Variants in CCNI2 observed in about 807,000 individuals in gnomAD.
CCNI2 encodes cyclin I family member 2.
A neutral mutation model predicts 33.2 loss-of-function variants in CCNI2; 32 were observed. The ratio of observed to expected loss-of-function variants is 0.96; its 90% CI spans 0.73 to 1.30. The LOEUF (loss-of-function observed/expected upper bound fraction) is 1.30, where lower values mean the gene tolerates loss of function less well. Among genes scored for constraint, CCNI2 ranks in the 50% most tolerant of loss-of-function variants. The pLI, the probability that CCNI2 is intolerant of heterozygous loss-of-function variation, is 0.00. For synonymous variants in CCNI2, 231 were observed against 219.9 expected (o/e 1.05, Z -0.45); for missense variants, 452 against 486.2 (o/e 0.93, Z 0.66).
In CCNI2 at chr5:132,751,983, C is replaced by A; in HGVS notation, c.792C>A (p.Val264=). The A allele has an allele frequency of 6.2e-7, 1 of 1,611,448 alleles. No homozygotes were observed. The highest frequency in any genetic ancestry group is 1.1e-5 in the South Asian group (1 of 90,006). ...GTCTCCAGTTCCATGCCCTGGTGGT[C>A]CTGAGCTGGCCCCATGTGTTGGAGC... is the stretch of plus-strand genomic sequence containing the variant. ...DFLTIFHALV[V]LSWPHVLELL... is the part of the protein sequence containing the mutation. The change falls in exon 5 of 6, where the codon GTC becomes GTA. Residue 264 remains valine (V), a synonymous_variant. Coordinates refer to ENST00000378731, the MANE Select transcript of CCNI2 (RefSeq NM_001039780.4).
chr5:132,752,001 G>A lies in CCNI2; in HGVS notation c.810G>A (p.Val270=). The A allele has an allele frequency of 6.2e-7, 1 of 1,612,252 alleles. No homozygotes were observed. Among genetic ancestry groups the A allele is most frequent in the Admixed American group, 1.7e-5 (1 of 59,866 alleles). The change falls in exon 5 of 6, where the codon GTG becomes GTA. Residue 270 remains valine, a synonymous_variant. Coordinates refer to ENST00000378731, the MANE Select transcript of CCNI2 (RefSeq NM_001039780.4). ...TGGTGGTCCTGAGCTGGCCCCATGT[G>A]TTGGAGCTGCTGCCTCAGAGGAATC... ...HALVVLSWPH[V]LELLPQRNPS... is the part of the protein sequence containing the mutation.
rs973640923 is a variant in CCNI2 at position 132,747,467 on chromosome 5, C to T, written c.-29C>T. The T allele has an allele frequency of 7.1e-7, 1 of 1,416,096 alleles. No homozygotes were observed. The highest frequency in any genetic ancestry group is 9.2e-7 in the Non-Finnish European group (1 of 1,091,798). The allele number at this position is 1,416,096 out of a possible 1,614,324, so 87.7% of individuals were successfully genotyped here. On this transcript the variant is annotated 5_prime_UTR_variant, in exon 1 of 6. Coordinates refer to ENST00000378731, the MANE Select transcript of CCNI2 (RefSeq NM_001039780.4). The surrounding 1 kb of genome is among the most constrained non-coding windows in gnomAD (Gnocchi z 4.1). The stretch of plus-strand genomic sequence containing the variant: ...GGTTATAAAATGCCGGGTTAAGCGG[C>T]AACTCAGACTCAGGATCCCGCTCAC...
chr5:132,750,489 G>A (rs570356132), intron 3 of CCNI2, among the ~76,000 whole-genome samples: 36 of 152,292 alleles, frequency 2.4e-4, no homozygotes, highest in Admixed American at 1.8e-3. Context: ...CAGTACCCAC[G>A]GTAGGGATCA....
Position 132,747,718 on chromosome 5 carries a change from C to T in CCNI2, c.223C>T (p.Pro75Ser). The change falls in exon 1 of 6, where the codon CCC (proline) becomes TCC (serine). Residue 75 changes from proline (P) to serine (S), a missense_variant. Transcript: ENST00000378731. The surrounding 1 kb of genome is among the most constrained non-coding windows in gnomAD (Gnocchi z 4.1). ...ASLHAASAAV[P>S]VRPRRGTAPA... is the part of the protein sequence containing the mutation. ...CCTCCACGCGGCGTCCGCAGCAGTC[C>T]CCGTGCGGCCCCGGCGCGGTACGGC... The T allele has an allele frequency of 6.7e-7, 1 of 1,485,406 alleles. No homozygotes were observed. The highest frequency in any genetic ancestry group is 8.9e-7 in the Non-Finnish European group (1 of 1,125,556). 92.0% of individuals were successfully genotyped at this position (1,485,406 alleles called of 1,614,324 possible). A position where few individuals can be genotyped will look rare whatever the true frequency, so the allele number is the denominator to read the frequency against.
chr5:132,755,510 C>T (rs1260570018), downstream of CCNI2, among the ~76,000 whole-genome samples: 3 of 152,162 alleles, frequency 2.0e-5, no homozygotes, highest in Non-Finnish European at 4.4e-5. Context: ...AGTTACTTGC[C>T]ATGTAACCTT....
chr5:132,751,654 C>A (rs1240427221), intron 4 of CCNI2: 4 of 429,176 alleles, frequency 9.3e-6, no homozygotes, highest in Non-Finnish European at 1.6e-5. Flanking sequence ...AGTAACTTTT[C>A]TGCTACCTTG....
rs751064167 is a variant in CCNI2 at position 132,747,674 on chromosome 5, G to A, written c.179G>A (p.Arg60His). Residue 60 changes from arginine to histidine, a missense_variant, in exon 1 of 6, where the codon CGC (arginine) becomes CAC (histidine). Coordinates refer to ENST00000378731, the MANE Select transcript of CCNI2 (RefSeq NM_001039780.4). This position sits in a 1 kb window ranked among gnomAD's most constrained non-coding sequence, Gnocchi z 4.1. The part of the protein sequence containing the change: ...RSNRSRCPGT[R>H]QPGAASLHAA... The stretch of plus-strand genomic sequence containing the variant: ...AACCGGAGCAGGTGCCCTGGGACCC[G>A]CCAGCCCGGAGCGGCCTCCCTCCAC... The A allele has an allele frequency of 6.7e-7, 1 of 1,501,406 alleles. No individual in the cohort carries two copies. The highest frequency in any genetic ancestry group is 1.2e-5 in the South Asian group (1 of 80,258). The allele number at this position is 1,501,406 out of a possible 1,614,324, so 93.0% of individuals were successfully genotyped here.
intron 1 of CCNI2, 101 bp downstream of exon 1, chr5:132,748,025 C>G (rs1397468804): frequency 8.0e-7 from 1 of 1,245,834 alleles, no homozygotes; most frequent in East Asian, 2.9e-5. Flanking sequence ...GGAGGCCGGG[C>G]CCTTCCCCAG....
At chr5:132,755,876 G>C (rs1055759264), downstream of CCNI2, 1 of 742,692 alleles carries the variant, frequency 1.3e-6, no homozygotes, top group African/African-American at 2.0e-5. Context: ...AATTCCTACA[G>C]AAGTAGATCA....
intron 2 of CCNI2, 106 bp downstream of exon 2, chr5:132,748,581 G>A: frequency 5.7e-6 from 8 of 1,394,886 alleles, no homozygotes; most frequent in Non-Finnish European, 7.9e-6. Context: ...CAAAACCAAG[G>A]TGTATAAACT....
chr5:132,747,521 C>T lies in CCNI2; in HGVS notation c.26C>T (p.Pro9Leu), dbSNP rs868736961. 5 of 1,499,286 alleles carry T rather than the reference C, an allele frequency of 3.3e-6. No individual in the cohort carries two copies. Among genetic ancestry groups the T allele is most frequent in the African/African-American group, 2.9e-5 (2 of 68,822 alleles). 92.9% of individuals were successfully genotyped at this position (1,499,286 alleles called of 1,614,324 possible). ...ATGGCCTCGGGCGCTCAGCTCCCGC[C>T]GCAGCCGTCGAGCTCAGAGGTCAGC... MASGAQLP[P>L]QPSSSEVSAV... is the part of the protein sequence containing the mutation. Residue 9 changes from proline (P) to leucine (L), a missense_variant, in exon 1 of 6, where the codon CCG becomes CTG. By Grantham distance (98) the Pro-to-Leu change is moderately conservative. Transcript: ENST00000378731. The surrounding 1 kb of genome is among the most constrained non-coding windows in gnomAD (Gnocchi z 4.1).
chr5:132,748,321 GC>G (rs755859891), intron 1 of CCNI2, 25 bp from the exon 2 acceptor site: 1 of 1,612,902 alleles, frequency 6.2e-7, no homozygotes, highest in Non-Finnish European at 8.5e-7. Flanking sequence ...GACCTTCCTC[GC>G]CCCACCTGCT....
At chr5:132,755,824 G>C (rs1309568516), downstream of CCNI2, among the ~76,000 whole-genome samples, 1 of 152,090 alleles carries the variant, frequency 6.6e-6, no homozygotes, top group Non-Finnish European at 1.5e-5. Flanking sequence ...ACCTATGCAA[G>C]AGCCTTTCAC....
downstream of CCNI2, among the ~76,000 whole-genome samples, chr5:132,754,690 C>T (rs73787061): frequency 0.01 from 1,585 of 152,300 alleles, 33 homozygotes; most frequent in African/African-American, 0.036. Flanking sequence ...TCAAGCTTGC[C>T]GTGGGGCCCC....
rs1554111068 is a variant in CCNI2 at position 132,753,982 on chromosome 5, G to GTTTTTTTTT, written c.*1013_*1014insTTTTTTTTT. On this transcript the variant is annotated 3_prime_UTR_variant, in exon 6 of 6. Transcript: ENST00000378731. ...TTTTTTTTTTTTTTTTTTTTTTTTGGTGTGTTTGTGTAAATGTGCTAAGCC... is the reference window on the plus strand; with the variant it reads ...TTTTTTTTTTTTTTTTTTTTTTTTGGTTTTTTTTTTGTGTTTGTGTAAATGTGCTAAGCC... 1.1e-5 allele frequency: 1 copy of GTTTTTTTTT among 94,098 alleles called. No individual in the cohort carries two copies. Among genetic ancestry groups the GTTTTTTTTT allele is most frequent in the African/African-American group, 8.7e-5 (1 of 11,506 alleles). The allele number at this position is 94,098 out of a possible 1,614,324, so 5.8% of individuals were successfully genotyped here. A position where few individuals can be genotyped will look rare whatever the true frequency, so the allele number is the denominator to read the frequency against.
chr5:132,755,766 C>T (rs903634889), downstream of CCNI2, among the ~76,000 whole-genome samples: 1 of 152,332 alleles, frequency 6.6e-6, no homozygotes, highest in Admixed American at 6.5e-5. Context: ...CCACAGGCTG[C>T]CCCTTTACCT....
chr5:132,747,788 A>C lies in CCNI2; in HGVS notation c.293A>C (p.Glu98Ala). The change falls in exon 1 of 6, where the codon GAG becomes GCG. Residue 98 changes from glutamate (E) to alanine (A), a missense_variant. Physicochemically the swap from Glu to Ala is moderately radical, Grantham distance 107. Transcript: ENST00000378731. The surrounding 1 kb of genome is among the most constrained non-coding windows in gnomAD (Gnocchi z 4.1). Reference sequence around the variant, plus strand: ...GACGCGGTCCCCGCCGCCGCCCCAGAGCAAGCTCCGCGGCCGGCTCCACAG... The same window carrying C: ...GACGCGGTCCCCGCCGCCGCCCCAGCGCAAGCTCCGCGGCCGGCTCCACAG... Reference protein sequence around the residue: ...TADAVPAAAPEQAPRPAPQSR... With the variant: ...TADAVPAAAPAQAPRPAPQSR... The C allele has an allele frequency of 6.8e-7, 1 of 1,477,246 alleles. No individual in the cohort carries two copies. Among genetic ancestry groups the C allele is most frequent in the Non-Finnish European group, 8.9e-7 (1 of 1,121,832 alleles). The allele number at this position is 1,477,246 out of a possible 1,614,324, so 91.5% of individuals were successfully genotyped here.
downstream of CCNI2, chr5:132,755,965 AT>A: frequency 1.0e-6 from 1 of 985,282 alleles, no homozygotes; most frequent in Non-Finnish European, 1.2e-6. Context: ...GAAACGTTAA[AT>A]CAGAAAAGCT....
Position 132,748,438 on chromosome 5 carries a change from C to T in CCNI2, c.521C>T (p.Ala174Val). ...FYFSQSTFNLALTIFGRLLIS... is the reference protein window; with the variant it reads ...FYFSQSTFNLVLTIFGRLLIS... ...TTCTCCCAGTCCACTTTTAACCTGG[C>T]CCTCACCATCTTTGGCCGCCTCCTG... Residue 174 changes from alanine (A) to valine (V), a missense_variant, in exon 2 of 6, where the codon GCC (alanine) becomes GTC (valine). By Grantham distance (64) the Ala-to-Val change is moderately conservative. Transcript: ENST00000378731. 6.2e-7 allele frequency: 1 copy of T among 1,614,190 alleles called. No homozygotes were observed. Among genetic ancestry groups the T allele is most frequent in the Non-Finnish European group, 8.5e-7 (1 of 1,180,028 alleles).
Sources: gnomAD v4.1 joint callset for allele counts (sites outside exome capture counted in the v4.1 genomes callset) on GRCh38, gnomAD v4.1.1 for gene constraint, Gnocchi (gnomAD v3.1) non-coding constraint, MANE v1.5 for transcripts, NCBI Gene and HGNC (gene_info 2026-07-23, HGNC 2026-07-21) for gene names.